TTC5: variants seen among roughly 807,000 people sequenced by gnomAD.
TTC5 encodes the protein tetratricopeptide repeat protein 5.
TTC5 carries 46 observed loss-of-function variants against 57.4 expected under a neutral mutation model. That is an observed-to-expected ratio of 0.80 (90% confidence interval 0.63 to 1.03). The LOEUF (loss-of-function observed/expected upper bound fraction) is 1.03, where lower values mean the gene tolerates loss of function less well. Among genes scored for constraint, TTC5 ranks in the 50% least tolerant of loss-of-function variants. The pLI, the probability that TTC5 is intolerant of heterozygous loss-of-function variation, is 0.00. For synonymous variants in TTC5, 190 were observed against 203.5 expected (o/e 0.93, Z 0.57); for missense variants, 504 against 528.1 (o/e 0.95, Z 0.45).
At chr14:20,295,612 G>A in intron 7 of TTC5, 86 bp from the exon 8 acceptor site, 1 of 1,548,052 alleles carries the variant, frequency 6.5e-7, no homozygotes, top group Non-Finnish European at 8.7e-7. Context: ...CACTTCTATA[G>A]GGTCTCTACC....
At chr14:20,289,792 G>C in intron 9 of TTC5, 46 bp from the exon 10 acceptor site, 1 of 1,562,318 alleles carries the variant, frequency 6.4e-7, no homozygotes, top group Non-Finnish European at 8.7e-7. Context: ...TTCCAAGATG[G>C]AAAAAGCTCC....
In TTC5 at chr14:20,288,533, A is replaced by T. The variant is rs1273231801; in HGVS notation, c.*1094T>A. ...CCAGGTTCAAGCAATTCTCTGCCTC[A>T]GCCTCCCCAGTAGCTGTGATTACAG... On this transcript the variant is annotated 3_prime_UTR_variant, in exon 10 of 10. Coordinates refer to ENST00000258821, the MANE Select transcript of TTC5 (RefSeq NM_138376.3). 6.6e-6 allele frequency: 1 copy of T among 152,240 alleles called. No individual in the cohort carries two copies. The highest frequency in any genetic ancestry group is 1.5e-5 in the Non-Finnish European group (1 of 68,086). The allele number at this position is 152,240 out of a possible 1,614,324, so 9.4% of individuals were successfully genotyped here.
chr14:20,302,962 T>C (rs989533179), intron 1 of TTC5, among the ~76,000 whole-genome samples: 2 of 151,884 alleles, frequency 1.3e-5, no homozygotes, highest in African/African-American at 4.8e-5. Context: ...ACTTTGGTAG[T>C]CCAAGGCAGA....
chr14:20,295,324 T>A lies in TTC5; in HGVS notation c.1046A>T (p.Glu349Val), dbSNP rs778391302. Residue 349 changes from glutamate to valine, a missense_variant, in exon 8 of 10, where the codon GAG becomes GTG. Physicochemically the swap from Glu to Val is moderately radical, Grantham distance 121 (BLOSUM62 -2). Coordinates refer to ENST00000258821, the MANE Select transcript of TTC5 (RefSeq NM_138376.3). ...AAGAGAAACTCACAAGGGGACTTTC[T>A]CCTCTGTGGTGAGGCTAAATACCAC... ...GKVVFSLTTE[E>V]KVPFTFGLVD... 7 of 1,614,154 alleles carry A rather than the reference T, an allele frequency of 4.3e-6. No individual in the cohort carries two copies. The highest frequency in any genetic ancestry group is 5.9e-6 in the Non-Finnish European group (7 of 1,180,012).
intron 9 of TTC5, among the ~76,000 whole-genome samples, chr14:20,290,340 A>G (rs1254164249): frequency 6.6e-6 from 1 of 152,240 alleles, no homozygotes; most frequent in Non-Finnish European, 1.5e-5. Flanking sequence ...CATCCAAAAA[A>G]TATGGCAATG....
intron 1 of TTC5, among the ~76,000 whole-genome samples, chr14:20,304,616 C>T (rs1166766800): frequency 1.3e-5 from 2 of 152,178 alleles, no homozygotes; most frequent in Non-Finnish European, 2.9e-5. Flanking sequence ...CCCAAGATAA[C>T]GGAAGTATCC....
chr14:20,290,577 A>G (rs1185285529), intron 9 of TTC5, among the ~76,000 whole-genome samples: 1 of 152,248 alleles, frequency 6.6e-6, no homozygotes, highest in Admixed American at 6.5e-5. Context: ...ACTTATTTAC[A>G]TCCACTGTTG....
Position 20,300,832 on chromosome 14 carries a change from A to G in TTC5, c.185-14T>C. 1 of 1,571,996 alleles carries G rather than the reference A, an allele frequency of 6.4e-7. No homozygotes were observed. The highest frequency in any genetic ancestry group is 1.4e-5 in the African/African-American group (1 of 72,910). Reference sequence around the variant, plus strand: ...CCTGGACAGAACCTAAGAGGAAGAAAAAAAGATAAAGTGGGAAAAAAACAA... The same window carrying G: ...CCTGGACAGAACCTAAGAGGAAGAAGAAAAGATAAAGTGGGAAAAAAACAA... On this transcript the variant is annotated splice_polypyrimidine_tract_variant and intron_variant, in intron 2 of 9. Transcript: ENST00000258821.
Position 20,301,891 on chromosome 14 carries a change from C to G in TTC5, c.126G>C (p.Lys42Asn). ...CCATCTCCTTCTGCACATCCTGTTGCTTCCTCCCAGCATCCTCAACACTAT... is the reference window on the plus strand; with the variant it reads ...CCATCTCCTTCTGCACATCCTGTTGGTTCCTCCCAGCATCCTCAACACTAT... ...ETHSVEDAGR[K>N]QQDVQKEMEK... Residue 42 changes from lysine to asparagine, a missense_variant, in exon 2 of 10, where the codon AAG (lysine) becomes AAC (asparagine). Coordinates refer to ENST00000258821, the MANE Select transcript of TTC5 (RefSeq NM_138376.3). The G allele has an allele frequency of 6.2e-7, 1 of 1,614,128 alleles. No homozygotes were observed. The highest frequency in any genetic ancestry group is 8.5e-7 in the Non-Finnish European group (1 of 1,180,016).
chr14:20,300,898 G>T, intron 2 of TTC5, 80 bp from the exon 3 acceptor site: 2 of 1,102,374 alleles, frequency 1.8e-6, no homozygotes, highest in Non-Finnish European at 1.3e-6. Flanking sequence ...ATAACTACAC[G>T]TCAGTTTTAG....
Position 20,301,500 on chromosome 14 carries a change from G to GGTTA in TTC5, c.184+329_184+332dup, listed in dbSNP as rs1240926627. ...AGCAAAAAGGCAGATGAGAGGATAA[G>GGTTA]GTTAAATGCATGAAGTAATGATTTA... On this transcript the variant is annotated intron_variant, in intron 2 of 9. Transcript: ENST00000258821. Among the ~76,000 whole-genome samples the GGTTA allele has an allele frequency of 4.6e-5, 7 of 152,292 alleles. No homozygotes were observed. In the East Asian group the frequency reaches 1.3e-3, roughly 29 times the overall value.
In TTC5 at chr14:20,299,303, G is replaced by C; in HGVS notation, c.542C>G (p.Ser181Cys). The C allele has an allele frequency of 1.9e-6, 3 of 1,613,576 alleles. No homozygotes were observed. The highest frequency in any genetic ancestry group is 1.7e-6 in the Non-Finnish European group (2 of 1,179,744). The change falls in exon 4 of 10, where the codon TCC becomes TGC. Residue 181 changes from serine (S) to cysteine (C), a missense_variant. Physicochemically the swap from Ser to Cys is moderately radical, Grantham distance 112. Transcript: ENST00000258821. The part of the protein sequence containing the change: ...AVQMDVHDGR[S>C]WYILGNSYLS... ...GATCTTTTGAGAGCACTCACACCAG[G>C]AGCGGCCATCATGGACATCCATCTG...
rs985128751 is a variant in TTC5, at chr14:20,305,468, T to C, written c.51+419A>G. ...AGGGGAGTAACCAGGACACTTGCAG[T>C]GCAGGTCATTAGCGTGATTGTTGCC... On this transcript the variant is annotated intron_variant, in intron 1 of 9. Transcript: ENST00000258821. 4 of 188,824 alleles carry C rather than the reference T, an allele frequency of 2.1e-5. No homozygotes were observed. The South Asian group carries it at 4.0e-4, about 19-fold the overall frequency. The allele number at this position is 188,824 out of a possible 1,614,324, so 11.7% of individuals were successfully genotyped here. A position where few individuals can be genotyped will look rare whatever the true frequency, so the allele number is the denominator to read the frequency against.
chr14:20,296,053 A>G (rs1223398443), intron 6 of TTC5, among the ~76,000 whole-genome samples, 199 bp from the exon 7 acceptor site: 1 of 152,222 alleles, frequency 6.6e-6, no homozygotes, highest in African/African-American at 2.4e-5. Flanking sequence ...CAAAGATGGA[A>G]TCATTTCAAA....
intron 8 of TTC5, chr14:20,292,569 C>T (rs1389829392): frequency 1.3e-5 from 2 of 152,390 alleles, no homozygotes; most frequent in Non-Finnish European, 2.9e-5. Context: ...TAGTTTAACT[C>T]CACAAACTTT....
rs759625594 is a variant in TTC5 at position 20,295,415 on chromosome 14, G to C, written c.955C>G (p.Leu319Val). 3 of 1,614,160 alleles carry C rather than the reference G, an allele frequency of 1.9e-6. No homozygotes were observed. The highest frequency in any genetic ancestry group is 4.5e-5 in the East Asian group (2 of 44,876). Residue 319 changes from leucine to valine, a missense_variant, in exon 8 of 10, where the codon CTG becomes GTG. By Grantham distance (32) the Leu-to-Val change is conservative. Transcript: ENST00000258821. ...YQSASGQKVT[L>V]ELKPLSTLQP... The stretch of plus-strand genomic sequence containing the variant: ...AGCGTACTCAGTGGCTTGAGCTCCA[G>C]GGTCACTTTCTGCCCAGAGGCTGAC...
At chr14:20,298,095 A>C (rs1417538266) in intron 5 of TTC5, among the ~76,000 whole-genome samples, 1 of 152,208 alleles carries the variant, frequency 6.6e-6, no homozygotes, top group Admixed American at 6.5e-5. Context: ...GCAATTCTCT[A>C]TATCAAGAGA....
chr14:20,295,839 C>T lies in TTC5; in HGVS notation c.712G>A (p.Glu238Lys). 6 of 1,583,946 alleles carry T rather than the reference C, an allele frequency of 3.8e-6. No homozygotes were observed. The highest frequency in any genetic ancestry group is 8.5e-7 in the Non-Finnish European group (1 of 1,171,712). ...CCCTCCAGGGCCTCCCCATAACTCT[C>T]TTCATATTTATGCAACTGTACAAGA... is the stretch of plus-strand genomic sequence containing the variant. ...LNRATLHKYE[E>K]SYGEALEGFS... The change falls in exon 7 of 10, where the codon GAG (glutamate) becomes AAG (lysine). Residue 238 changes from glutamate (E) to lysine (K), a missense_variant. Coordinates refer to ENST00000258821, the MANE Select transcript of TTC5 (RefSeq NM_138376.3).
chr14:20,297,516 AT>A (rs1469607854), intron 5 of TTC5, among the ~76,000 whole-genome samples: 4 of 152,212 alleles, frequency 2.6e-5, no homozygotes, highest in Non-Finnish European at 1.5e-5. Flanking sequence ...CACACTTGTA[AT>A]CCCAACACTT....
Sources: gnomAD v4.1 joint callset for allele counts (sites outside exome capture counted in the v4.1 genomes callset) on GRCh38, gnomAD v4.1.1 for gene constraint, MANE v1.5 for transcripts, NCBI Gene and HGNC (gene_info 2026-07-23, HGNC 2026-07-21) for gene names.